Variants in SORCS1 observed in about 807,000 individuals in gnomAD.
SORCS1 encodes sortilin related VPS10 domain containing receptor 1, also known as VPS10 domain-containing receptor SorCS1.
A neutral mutation model predicts 146.1 loss-of-function variants in SORCS1; 60 were observed. The observed-to-expected ratio is 0.41, with a 90% CI of 0.33 to 0.51. The LOEUF (loss-of-function observed/expected upper bound fraction) is 0.51. Ranked by LOEUF, SORCS1 falls within the 20% of genes least tolerant of loss-of-function variation. The pLI is 0.21. For missense variants in SORCS1, 1,352 were observed against 1,487.6 expected, an observed-to-expected ratio of 0.91 and a Z score of 1.50; for synonymous variants, 637 against 584.0, an observed-to-expected ratio of 1.09 and a Z score of -1.31.
intron 2 of SORCS1, among the ~76,000 whole-genome samples, chr10:106,882,819 C>G (rs1418447633): frequency 6.6e-6 from 1 of 152,130 alleles, no homozygotes; most frequent in Non-Finnish European, 1.5e-5. Context: ...GATGGAGACG[C>G]AGCACAGGCT....
chr10:107,154,869 ATC>A, intron 1 of SORCS1, among the ~76,000 whole-genome samples: 1 of 152,338 alleles, frequency 6.6e-6, no homozygotes, highest in East Asian at 1.9e-4. Context: ...AAGTTATACT[ATC>A]TCTGTTAATC....
At chr10:107,061,795 A>G (rs1961256192) in intron 1 of SORCS1, among the ~76,000 whole-genome samples, 1 of 152,224 alleles carries the variant, frequency 6.6e-6, no homozygotes, top group Non-Finnish European at 1.5e-5. Flanking sequence ...TAAGTAGGGC[A>G]CACTAAACAC....
At chr10:107,054,657 T>C (rs1960428983) in intron 1 of SORCS1, among the ~76,000 whole-genome samples, 1 of 152,106 alleles carries the variant, frequency 6.6e-6, no homozygotes, top group African/African-American at 2.4e-5. Flanking sequence ...CAGTGAAAAA[T>C]GGGTCATCTA....
intron 1 of SORCS1, among the ~76,000 whole-genome samples, chr10:106,987,247 A>C (rs1178606333): frequency 2.0e-5 from 3 of 152,138 alleles, no homozygotes; most frequent in Admixed American, 2.0e-4. Flanking sequence ...TTATTTGTAA[A>C]GTGTGTTTTC....
chr10:107,156,791 A>G (rs1280622625), intron 1 of SORCS1, among the ~76,000 whole-genome samples: 1 of 152,212 alleles, frequency 6.6e-6, no homozygotes, highest in Non-Finnish European at 1.5e-5. Context: ...TTATCTGCAT[A>G]AGAAAATCAA....
At chr10:107,111,633 G>A (rs1965706403) in intron 1 of SORCS1, among the ~76,000 whole-genome samples, 1 of 152,134 alleles carries the variant, frequency 6.6e-6, no homozygotes, top group South Asian at 2.1e-4. Flanking sequence ...GGAGAAAGGA[G>A]AGAGAGTAAG....
intron 1 of SORCS1, among the ~76,000 whole-genome samples, chr10:106,994,358 CTGTT>C (rs981824695): frequency 1.6e-4 from 25 of 152,056 alleles, no homozygotes; most frequent in African/African-American, 5.3e-4. Context: ...AATCAGGTAT[CTGTT>C]TGTCTACCAG....
chr10:106,713,121 T>C (rs1277700006), intron 6 of SORCS1, among the ~76,000 whole-genome samples: 1 of 152,220 alleles, frequency 6.6e-6, no homozygotes, highest in Non-Finnish European at 1.5e-5. Flanking sequence ...TCTAGGTTTC[T>C]GGTTGCCCAA....
At chr10:107,057,881 T>TGC (rs1960799530) in intron 1 of SORCS1, among the ~76,000 whole-genome samples, 1 of 152,126 alleles carries the variant, frequency 6.6e-6, no homozygotes, top group African/African-American at 2.4e-5. Context: ...CTCACAGGCA[T>TGC]GGTCATCGCA....
chr10:106,760,157 G>A (rs1310898938), intron 5 of SORCS1, among the ~76,000 whole-genome samples: 6 of 152,056 alleles, frequency 3.9e-5, no homozygotes, highest in African/African-American at 1.4e-4. Context: ...GATAAGAGGA[G>A]GAAGAGGCCG....
intron 2 of SORCS1, among the ~76,000 whole-genome samples, chr10:106,837,510 C>T (rs1020052699): frequency 6.6e-5 from 10 of 151,288 alleles, no homozygotes; most frequent in African/African-American, 1.7e-4. Flanking sequence ...CACTCACTTT[C>T]AGTTTTGTGT....
At chr10:106,609,111 G>C (rs1846800821) in intron 22 of SORCS1, among the ~76,000 whole-genome samples, 1 of 152,164 alleles carries the variant, frequency 6.6e-6, no homozygotes, top group African/African-American at 2.4e-5. Flanking sequence ...GTGGCTCAAG[G>C]CCATCTAGGA....
At chr10:107,058,571 A>C (rs1035222693) in intron 1 of SORCS1, among the ~76,000 whole-genome samples, 2 of 152,208 alleles carry the variant, frequency 1.3e-5, no homozygotes, top group African/African-American at 4.8e-5. Context: ...TTCCCAGTGC[A>C]TAATGCCTGA....
chr10:106,974,478 G>GTA (rs1955913760), intron 1 of SORCS1, among the ~76,000 whole-genome samples: 1 of 152,134 alleles, frequency 6.6e-6, no homozygotes, highest in Non-Finnish European at 1.5e-5. Flanking sequence ...TGGTGATGTG[G>GTA]TACAACTCAG....
chr10:107,021,373 G>C (rs1450754234), intron 1 of SORCS1, among the ~76,000 whole-genome samples: 1 of 151,550 alleles, frequency 6.6e-6, no homozygotes, highest in African/African-American at 2.4e-5. Flanking sequence ...AATTAGCCGG[G>C]CATGGTGGCG....
intron 3 of SORCS1, among the ~76,000 whole-genome samples, chr10:106,814,728 C>G (rs533429210): frequency 1.3e-5 from 2 of 151,808 alleles, no homozygotes; most frequent in Non-Finnish European, 2.9e-5. Flanking sequence ...TCCTGGCTAA[C>G]GTGGTGAAAC....
At chr10:106,803,721 C>T (rs182461558) in intron 3 of SORCS1, among the ~76,000 whole-genome samples, 1 of 152,174 alleles carries the variant, frequency 6.6e-6, no homozygotes, top group Non-Finnish European at 1.5e-5. Flanking sequence ...TTATGAACAA[C>T]TGATAAAAGA....
intron 22 of SORCS1, among the ~76,000 whole-genome samples, chr10:106,610,801 C>T (rs1192701467): frequency 2.6e-5 from 4 of 152,140 alleles, no homozygotes; most frequent in Non-Finnish European, 4.4e-5. Flanking sequence ...AATAAGGGGC[C>T]GACGCAGTGG....
chr10:106,623,155 G>C (rs927736702), intron 19 of SORCS1, among the ~76,000 whole-genome samples: 7 of 151,562 alleles, frequency 4.6e-5, no homozygotes, highest in Admixed American at 2.6e-4. Flanking sequence ...TGCGTTAAAT[G>C]AATACATTAG....
Sources: gnomAD v4.1 joint callset for allele counts (sites outside exome capture counted in the v4.1 genomes callset) on GRCh38, gnomAD v4.1.1 for gene constraint, MANE v1.5 for transcripts, NCBI Gene and HGNC (gene_info 2026-07-23, HGNC 2026-07-21) for gene names.